TBL1X: variants seen among roughly 807,000 people sequenced by gnomAD.
TBL1X encodes F-box-like/WD repeat-containing protein TBL1X.
TBL1X carries 10 observed loss-of-function variants against 50.7 expected under a neutral mutation model. The ratio of observed to expected loss-of-function variants is 0.20; its 90% CI spans 0.12 to 0.33. The LOEUF is 0.33. Among genes scored for constraint, TBL1X ranks in the 10% least tolerant of loss-of-function variants. The pLI is 1.00. For synonymous variants in TBL1X, 190 were observed against 214.7 expected, an observed-to-expected ratio of 0.88 and a Z score of 1.01; for missense variants, 340 against 504.4, an observed-to-expected ratio of 0.67 and a Z score of 3.12.
At chrX:9,591,905 C>T (rs1275624538) in intron 2 of TBL1X, among the ~76,000 whole-genome samples, 2 of 111,932 alleles carry the variant, frequency 1.8e-5, no homozygotes, top group Non-Finnish European at 3.8e-5. Flanking sequence ...AGCATGGGCT[C>T]GATATCAGCC....
At chrX:9,476,844 A>G (rs991271893) in intron 1 of TBL1X, among the ~76,000 whole-genome samples, 2 of 112,562 alleles carry the variant, frequency 1.8e-5, no homozygotes, top group Non-Finnish European at 1.9e-5. Flanking sequence ...AATCAAATCA[A>G]TTTTAGTTCA....
At chrX:9,612,314 A>G (rs1424852376) in intron 2 of TBL1X, among the ~76,000 whole-genome samples, 1 of 111,620 alleles carries the variant, frequency 9.0e-6, no homozygotes, top group African/African-American at 3.3e-5. Context: ...TCATCTTGCC[A>G]GCTACAGTCC....
At chrX:9,485,419 G>C (rs752566752) in intron 1 of TBL1X, among the ~76,000 whole-genome samples, 58 of 111,858 alleles carry the variant, frequency 5.2e-4, no homozygotes, top group Non-Finnish European at 9.6e-4. Context: ...TCTTTTCTTT[G>C]GGCTTCTGGG....
chrX:9,618,283 C>T (rs775356373), intron 2 of TBL1X, among the ~76,000 whole-genome samples: 1 of 111,805 alleles, frequency 8.9e-6, no homozygotes, highest in South Asian at 3.8e-4. Context: ...ATCAAGAAGG[C>T]TTGACTTCAC....
At position 9,719,655 on chromosome X, in the gene TBL1X, T is replaced by G. The variant is rs1310086538; in HGVS notation, c.*3409T>G. ...TTTGAAGAAAAAAAAAAAAATCACC[T>G]TGTGTGTTGTAGCTCATTTGTTTCA... On this transcript the variant is annotated 3_prime_UTR_variant, in exon 18 of 18. Transcript: ENST00000645353. 2.7e-5 allele frequency: 3 copies of G among 111,824 alleles called. No homozygotes were observed. Among genetic ancestry groups the G allele is most frequent in the South Asian group, 7.6e-4 (2 of 2,617 alleles). The allele number at this position is 111,824 out of a possible 1,213,427, so 9.2% of individuals were successfully genotyped here.
intron 9 of TBL1X, among the ~76,000 whole-genome samples, chrX:9,692,465 T>C (rs1216351968): frequency 8.9e-6 from 1 of 112,074 alleles, no homozygotes; most frequent in Non-Finnish European, 1.9e-5. Context: ...TGGAATGCAG[T>C]GGTGTGATCT....
chrX:9,465,913 G>C (rs954772431), intron 1 of TBL1X, among the ~76,000 whole-genome samples: 1 of 113,245 alleles, frequency 8.8e-6, no homozygotes, highest in South Asian at 3.5e-4. Context: ...ATTCATACCC[G>C]GGACGCGGGC....
At chrX:9,622,703 T>C (rs1158726427) in intron 2 of TBL1X, among the ~76,000 whole-genome samples, 3 of 112,088 alleles carry the variant, frequency 2.7e-5, no homozygotes, top group Non-Finnish European at 5.6e-5. Flanking sequence ...GGTTTTGCCA[T>C]GTTGGCCAGG....
chrX:9,677,239 T>C (rs1187871140), intron 5 of TBL1X, among the ~76,000 whole-genome samples: 2 of 111,539 alleles, frequency 1.8e-5, no homozygotes, highest in Non-Finnish European at 1.9e-5. Flanking sequence ...CCAGGAAATA[T>C]TGACTGAGGA....
intron 2 of TBL1X, among the ~76,000 whole-genome samples, chrX:9,550,140 G>A (rs1328635125): frequency 1.8e-5 from 2 of 111,159 alleles, no homozygotes; most frequent in African/African-American, 6.6e-5. Context: ...TAAAAAGGAG[G>A]TGTGGGCCTG....
chrX:9,582,229 A>G (rs1338654637), intron 2 of TBL1X, among the ~76,000 whole-genome samples: 1 of 112,196 alleles, frequency 8.9e-6, no homozygotes, highest in Non-Finnish European at 1.9e-5. Context: ...GTGTTTTCAC[A>G]GTAGCTTGAA....
At chrX:9,593,097 G>A (rs2082509841) in intron 2 of TBL1X, among the ~76,000 whole-genome samples, 1 of 111,670 alleles carries the variant, frequency 9.0e-6, no homozygotes, top group African/African-American at 3.3e-5. Flanking sequence ...GAGAAAGGGA[G>A]TTGAGTAATA....
At chrX:9,705,145 G>C in intron 13 of TBL1X, 31 bp downstream of exon 13, 2 of 1,211,225 alleles carry the variant, frequency 1.7e-6, no homozygotes, top group Non-Finnish European at 2.2e-6. Context: ...CTGGTCTCGA[G>C]TTTGTGAGAA....
At chrX:9,541,878 A>G (rs917693529) in intron 2 of TBL1X, among the ~76,000 whole-genome samples, 2 of 110,480 alleles carry the variant, frequency 1.8e-5, no homozygotes, top group Non-Finnish European at 3.8e-5. Context: ...CACAAACTTC[A>G]TGGTCTGGGA....
chrX:9,652,840 G>A (rs184184953), intron 3 of TBL1X, among the ~76,000 whole-genome samples: 1,825 of 98,160 alleles, frequency 0.019, 20 homozygotes, highest in African/African-American at 0.041. Context: ...AACACTGCAA[G>A]ACTCTGTCTC....
At position 9,717,039 on chromosome X, in the gene TBL1X, C is replaced by CCTTGCG. The variant is rs1205140522; in HGVS notation, c.*796_*801dup. 3 of 109,632 alleles carry CCTTGCG rather than the reference C, an allele frequency of 2.7e-5. No homozygotes were observed. Among genetic ancestry groups the CCTTGCG allele is most frequent in the Non-Finnish European group, 3.8e-5 (2 of 52,635 alleles). 9.0% of individuals were successfully genotyped at this position (109,632 alleles called of 1,213,427 possible). A position where few individuals can be genotyped will look rare whatever the true frequency, so the allele number is the denominator to read the frequency against. On this transcript the variant is annotated 3_prime_UTR_variant, in exon 18 of 18. Transcript: ENST00000645353. ...TCCGCCCTCTCCCACCCTCTCCTCC[C>CCTTGCG]CTTGCGCTCGCGCTCGCGCTCGCTT...
intron 2 of TBL1X, among the ~76,000 whole-genome samples, chrX:9,624,851 C>CA (rs1163354077): frequency 1.8e-5 from 2 of 110,987 alleles, no homozygotes; most frequent in African/African-American, 6.5e-5. Flanking sequence ...GTTCTCTTTA[C>CA]AAAAAAAAAT....
At chrX:9,690,899 C>CTTGTTG (rs765757640) in intron 7 of TBL1X, among the ~76,000 whole-genome samples, 5 of 110,254 alleles carry the variant, frequency 4.5e-5, no homozygotes, top group East Asian at 2.9e-4. Flanking sequence ...TGGCTAACTT[C>CTTGTTG]TTGTTGTTGT....
At chrX:9,490,797 A>C (rs2081937140) in intron 1 of TBL1X, among the ~76,000 whole-genome samples, 1 of 111,556 alleles carries the variant, frequency 9.0e-6, no homozygotes, top group Admixed American at 9.5e-5. Flanking sequence ...TGTATTAAGT[A>C]TTTACTCTTG....
Sources: gnomAD v4.1 joint callset for allele counts (sites outside exome capture counted in the v4.1 genomes callset) on GRCh38, gnomAD v4.1.1 for gene constraint, MANE v1.5 for transcripts, NCBI Gene and HGNC (gene_info 2026-07-23, HGNC 2026-07-21) for gene names.